The following MACROD2 variants were observed in gnomAD, a reference collection of about 807,000 sequenced individuals.
The protein encoded by MACROD2 is mono-ADP ribosylhydrolase 2, also known as ADP-ribose glycohydrolase MACROD2.
A neutral mutation model predicts 70.4 loss-of-function variants in MACROD2; 36 were observed. The ratio of observed to expected loss-of-function variants is 0.51; its 90% CI spans 0.39 to 0.68. The LOEUF is 0.68. MACROD2 is among the 30% of genes least tolerant of loss of function. The pLI, the probability that MACROD2 is intolerant of heterozygous loss-of-function variation, is 0.00. For synonymous variants in MACROD2, 172 were observed against 178.8 expected (o/e 0.96, Z 0.30); for missense variants, 496 against 538.4 (o/e 0.92, Z 0.78).
Position 14,085,635 on chromosome 20 carries a change from G to A in MACROD2, c.178G>A (p.Glu60Lys). ...TTCTATTACAGAAGAAAATACTCAGGAAACATCCCAGGTGAAGAAAAGTTT... is the reference window on the plus strand; with the variant it reads ...TTCTATTACAGAAGAAAATACTCAGAAAACATCCCAGGTGAAGAAAAGTTT... ...KGQNDEENTQ[E>K]TSQVKKSLTE... The change falls in exon 3 of 18, where the codon GAA becomes AAA. Residue 60 changes from glutamate to lysine, a missense_variant. Glu to Lys is a moderately conservative substitution (Grantham distance 56). Transcript: ENST00000684519. 4 of 1,564,148 alleles carry A rather than the reference G, an allele frequency of 2.6e-6. No individual in the cohort carries two copies. Among genetic ancestry groups the A allele is most frequent in the Non-Finnish European group, 3.5e-6 (4 of 1,154,804 alleles).
At chr20:14,382,840 T>G (rs2122777854) in intron 3 of MACROD2, among the ~76,000 whole-genome samples, 1 of 152,288 alleles carries the variant, frequency 6.6e-6, no homozygotes, top group South Asian at 2.1e-4. Flanking sequence ...AACTGAGTAA[T>G]CTTTTATGAT....
chr20:15,966,665 C>A (rs2066144596), intron 12 of MACROD2, among the ~76,000 whole-genome samples: 1 of 152,182 alleles, frequency 6.6e-6, no homozygotes, highest in South Asian at 2.1e-4. Context: ...TCGCTTGAGC[C>A]CAGGAGTTTG....
chr20:14,065,091 T>G (rs1051880829), intron 2 of MACROD2, among the ~76,000 whole-genome samples: 2 of 152,182 alleles, frequency 1.3e-5, no homozygotes, highest in African/African-American at 4.8e-5. Flanking sequence ...GTGTGTCAGT[T>G]CAACCTCTGC....
At chr20:15,718,955 G>T (rs1473720414) in intron 8 of MACROD2, among the ~76,000 whole-genome samples, 1 of 152,042 alleles carries the variant, frequency 6.6e-6, no homozygotes, top group East Asian at 1.9e-4. Context: ...CACATTAAAG[G>T]TTCTAATTAT....
At chr20:15,673,632 A>T (rs1003081781) in intron 8 of MACROD2, among the ~76,000 whole-genome samples, 2 of 152,212 alleles carry the variant, frequency 1.3e-5, no homozygotes, top group African/African-American at 4.8e-5. Flanking sequence ...GGGAAAGGAA[A>T]TAGGATATAT....
chr20:14,547,935 G>A (rs1251954843), intron 4 of MACROD2, among the ~76,000 whole-genome samples: 1 of 152,130 alleles, frequency 6.6e-6, no homozygotes, highest in Non-Finnish European at 1.5e-5. Flanking sequence ...CTCCAAGATG[G>A]GGGAGTGAAA....
chr20:14,855,936 A>G (rs1019262641), intron 5 of MACROD2, among the ~76,000 whole-genome samples: 6 of 152,102 alleles, frequency 3.9e-5, no homozygotes, highest in Admixed American at 1.3e-4. Context: ...AGAACCCTTA[A>G]CATTTTAAAA....
intron 5 of MACROD2, 65 bp downstream of exon 5, chr20:14,685,024 A>C (rs574030025): frequency 8.0e-7 from 1 of 1,250,520 alleles, no homozygotes; most frequent in African/African-American, 1.5e-5. Context: ...ACTCCAGTGT[A>C]TAACTGGAAA....
At chr20:15,804,925 C>A (rs770157114) in intron 8 of MACROD2, among the ~76,000 whole-genome samples, 1 of 152,276 alleles carries the variant, frequency 6.6e-6, no homozygotes, top group Non-Finnish European at 1.5e-5. Context: ...GCTCCCCTGA[C>A]CAGCAGTGAG....
At chr20:14,435,419 T>C (rs1470974091) in intron 3 of MACROD2, among the ~76,000 whole-genome samples, 1 of 152,198 alleles carries the variant, frequency 6.6e-6, no homozygotes, top group Non-Finnish European at 1.5e-5. Context: ...TATGGACATA[T>C]CTTTTGTGGG....
chr20:16,049,280 TAGGCA>T (rs2067425726), intron 17 of MACROD2, among the ~76,000 whole-genome samples: 1 of 152,058 alleles, frequency 6.6e-6, no homozygotes, highest in African/African-American at 2.4e-5. Context: ...TGTTTTCCTG[TAGGCA>T]GATTATACCT....
chr20:15,875,493 A>C (rs972442187), intron 9 of MACROD2, among the ~76,000 whole-genome samples: 1 of 152,072 alleles, frequency 6.6e-6, no homozygotes, highest in African/African-American at 2.4e-5. Flanking sequence ...AAATGAGTTA[A>C]CTGCCTTCTT....
At chr20:15,724,924 T>C (rs1478047699) in intron 8 of MACROD2, among the ~76,000 whole-genome samples, 1 of 151,836 alleles carries the variant, frequency 6.6e-6, no homozygotes, top group Non-Finnish European at 1.5e-5. Flanking sequence ...CTACTATAAA[T>C]ACAAAAAATT....
intron 10 of MACROD2, among the ~76,000 whole-genome samples, chr20:15,926,646 A>G (rs556494157): frequency 6.6e-6 from 1 of 152,286 alleles, no homozygotes; most frequent in Non-Finnish European, 1.5e-5. Context: ...GAAAGGGGAC[A>G]TTTAAGCAGT....
intron 10 of MACROD2, among the ~76,000 whole-genome samples, chr20:15,904,749 C>T (rs906245400): frequency 6.6e-6 from 1 of 151,892 alleles, no homozygotes; most frequent in African/African-American, 2.4e-5. Flanking sequence ...GGCGTGGTGG[C>T]TGGTGCCTGT....
At chr20:14,601,156 G>A (rs975366226) in intron 4 of MACROD2, among the ~76,000 whole-genome samples, 1 of 152,152 alleles carries the variant, frequency 6.6e-6, no homozygotes, top group Non-Finnish European at 1.5e-5. Context: ...TATCCCTTCA[G>A]CACAGTAGGC....
chr20:14,478,972 C>G (rs1421694318), intron 3 of MACROD2, among the ~76,000 whole-genome samples: 2 of 152,052 alleles, frequency 1.3e-5, no homozygotes, highest in East Asian at 3.9e-4. Context: ...AAGAAAGTCT[C>G]TGGTCTGACT....
At chr20:15,451,444 G>C (rs1431777946) in intron 7 of MACROD2, among the ~76,000 whole-genome samples, 1 of 66,442 alleles carries the variant, frequency 1.5e-5, no homozygotes, top group Admixed American at 1.5e-4. Context: ...AAAAAAAAAA[G>C]AGTCACCTTT....
At chr20:14,810,315 A>G (rs2072693691) in intron 5 of MACROD2, among the ~76,000 whole-genome samples, 1 of 152,060 alleles carries the variant, frequency 6.6e-6, no homozygotes, top group South Asian at 2.1e-4. Context: ...AATCCATCAC[A>G]TAAACAGAAC....
Sources: gnomAD v4.1 joint callset for allele counts (sites outside exome capture counted in the v4.1 genomes callset) on GRCh38, gnomAD v4.1.1 for gene constraint, MANE v1.5 for transcripts, NCBI Gene and HGNC (gene_info 2026-07-23, HGNC 2026-07-21) for gene names.